FAM178B: variants seen among roughly 807,000 people sequenced by gnomAD.
FAM178B encodes the protein family with sequence similarity 178 member B.
A neutral mutation model predicts 91.7 loss-of-function variants in FAM178B; 82 were observed. The ratio of observed to expected loss-of-function variants is 0.89; its 90% CI spans 0.75 to 1.07. The LOEUF (loss-of-function observed/expected upper bound fraction) is 1.07, where lower values mean the gene tolerates loss of function less well. FAM178B is among the 50% of genes least tolerant of loss of function. The probability of loss-of-function intolerance (pLI) is 0.00; values close to 1 mark genes in which losing one functional copy is unlikely to be tolerated. For synonymous variants in FAM178B, 368 were observed against 359.4 expected (o/e 1.02, Z -0.27); for missense variants, 769 against 846.7 (o/e 0.91, Z 1.14).
chr2:96,978,274 C>T (rs1231847554), intron 1 of FAM178B, among the ~76,000 whole-genome samples: 1 of 152,174 alleles, frequency 6.6e-6, no homozygotes, highest in Non-Finnish European at 1.5e-5. Flanking sequence ...TTGACTTTTA[C>T]ATACACAAAA....
chr2:96,947,031 G>C (rs2081840931), intron 8 of FAM178B, among the ~76,000 whole-genome samples: 1 of 152,350 alleles, frequency 6.6e-6, no homozygotes, highest in African/African-American at 2.4e-5. Context: ...GTGCTTTCTT[G>C]CTCTGGGGTG....
chr2:96,883,344 G>A (rs2080435496), intron 14 of FAM178B, among the ~76,000 whole-genome samples: 2 of 152,250 alleles, frequency 1.3e-5, no homozygotes, highest in African/African-American at 2.4e-5. Flanking sequence ...AATGCCAAGG[G>A]AGCGGGCTGT....
chr2:96,894,332 C>T (rs867308560), intron 13 of FAM178B, among the ~76,000 whole-genome samples: 33 of 146,928 alleles, frequency 2.2e-4, no homozygotes, highest in African/African-American at 7.8e-4. Flanking sequence ...ACACACTCTT[C>T]CCCCCACAGA....
At chr2:96,962,126 A>G (rs1300180448) in intron 5 of FAM178B, among the ~76,000 whole-genome samples, 1 of 152,088 alleles carries the variant, frequency 6.6e-6, no homozygotes, top group Non-Finnish European at 1.5e-5. Flanking sequence ...ACATGGTGAA[A>G]CCCCGTCTCT....
At chr2:96,912,327 TG>T (rs1244589334) in intron 12 of FAM178B, among the ~76,000 whole-genome samples, 1 of 151,062 alleles carries the variant, frequency 6.6e-6, no homozygotes, top group Non-Finnish European at 1.5e-5. Context: ...CCCCCAGCAG[TG>T]GAAAGAGTGC....
chr2:96,950,154 C>T (rs1461984958), intron 7 of FAM178B: 17 of 985,430 alleles, frequency 1.7e-5, no homozygotes, highest in South Asian at 4.7e-5. Context: ...GTCAGGGTGA[C>T]GCAGGGCCCC....
intron 14 of FAM178B, 47 bp downstream of exon 14, chr2:96,893,879 G>A: frequency 3.1e-6 from 5 of 1,590,518 alleles, no homozygotes; most frequent in Non-Finnish European, 4.3e-6. Context: ...GCTACCTGTG[G>A]TGGTGGCACC....
chr2:96,965,107 C>T (rs1244830183), intron 5 of FAM178B, among the ~76,000 whole-genome samples: 1 of 152,160 alleles, frequency 6.6e-6, no homozygotes, highest in Non-Finnish European at 1.5e-5. Flanking sequence ...TCAAGTGATT[C>T]TCCTGCTTCA....
chr2:96,922,866 G>C (rs1305303645), intron 10 of FAM178B, among the ~76,000 whole-genome samples: 1 of 151,878 alleles, frequency 6.6e-6, no homozygotes, highest in Non-Finnish European at 1.5e-5. Flanking sequence ...TAGAGACGGG[G>C]TTTTGCCATG....
intron 9 of FAM178B, among the ~76,000 whole-genome samples, chr2:96,928,598 G>C (rs1196610861): frequency 1.3e-5 from 2 of 152,140 alleles, no homozygotes; most frequent in African/African-American, 4.8e-5. Context: ...GAGACTCAAG[G>C]GACTGGGACG....
chr2:96,943,385 T>G (rs1340396555), intron 8 of FAM178B, among the ~76,000 whole-genome samples: 1 of 152,228 alleles, frequency 6.6e-6, no homozygotes, highest in African/African-American at 2.4e-5. Flanking sequence ...TCGTATCCAT[T>G]TTCTTATCAG....
At chr2:96,876,447 T>C (rs564503615) in intron 16 of FAM178B, 139 bp from the exon 17 acceptor site, 124 of 1,064,556 alleles carry the variant, frequency 1.2e-4, no homozygotes, top group Admixed American at 1.3e-4. Context: ...GATGCCTGGG[T>C]TCACACTACT....
At chr2:96,939,741 G>T (rs1017814279) in intron 8 of FAM178B, among the ~76,000 whole-genome samples, 1 of 152,148 alleles carries the variant, frequency 6.6e-6, no homozygotes, top group African/African-American at 2.4e-5. Flanking sequence ...TGCACACACA[G>T]TAGGAGCTTG....
chr2:96,949,101 G>A (rs573862094), intron 7 of FAM178B, among the ~76,000 whole-genome samples: 17 of 152,304 alleles, frequency 1.1e-4, no homozygotes, highest in African/African-American at 3.6e-4. Context: ...ACCTCCTGCT[G>A]ATGTCCACTC....
intron 9 of FAM178B, among the ~76,000 whole-genome samples, chr2:96,926,729 G>A (rs1415107386): frequency 1.3e-5 from 2 of 152,240 alleles, no homozygotes; most frequent in Admixed American, 6.5e-5. Context: ...GCATCTTTCT[G>A]AAAGGAAATC....
At chr2:96,980,977 A>AT (rs926021119) in intron 1 of FAM178B, among the ~76,000 whole-genome samples, 2 of 151,086 alleles carry the variant, frequency 1.3e-5, no homozygotes, top group African/African-American at 4.9e-5. Flanking sequence ...CATTCTATTT[A>AT]TTTTTTTTCT....
chr2:96,954,956 C>G (rs1019155527), intron 6 of FAM178B, among the ~76,000 whole-genome samples: 1 of 152,140 alleles, frequency 6.6e-6, no homozygotes, highest in South Asian at 2.1e-4. Context: ...GAGGCCGAGG[C>G]AAGAGGACCT....
At chr2:96,938,473 T>C (rs889619909) in intron 8 of FAM178B, among the ~76,000 whole-genome samples, 5 of 152,166 alleles carry the variant, frequency 3.3e-5, no homozygotes, top group African/African-American at 1.2e-4. Context: ...CCTCAGGGCT[T>C]GAAGCTGGAG....
intron 10 of FAM178B, among the ~76,000 whole-genome samples, chr2:96,922,864 G>A (rs1368974153): frequency 6.6e-6 from 1 of 151,948 alleles, no homozygotes; most frequent in African/African-American, 2.4e-5. Context: ...TGTAGAGACG[G>A]GGTTTTGCCA....
Sources: gnomAD v4.1 joint callset for allele counts (sites outside exome capture counted in the v4.1 genomes callset) on GRCh38, gnomAD v4.1.1 for gene constraint, MANE v1.5 for transcripts, NCBI Gene and HGNC (gene_info 2026-07-23, HGNC 2026-07-21) for gene names.